Variants in ZKSCAN1 observed in about 807,000 individuals in gnomAD.
ZKSCAN1 encodes zinc finger with KRAB and SCAN domains 1, also known as zinc finger protein with KRAB and SCAN domains 1.
A neutral mutation model predicts 51.6 loss-of-function variants in ZKSCAN1; 14 were observed. The observed-to-expected ratio is 0.27, with a 90% confidence interval of 0.18 to 0.42. The LOEUF is 0.42. ZKSCAN1 is among the 10% of genes least tolerant of loss of function. ZKSCAN1 has a pLI of 1.00. For synonymous variants in ZKSCAN1, 263 were observed against 261.5 expected, an observed-to-expected ratio of 1.01 and a Z score of -0.06; for missense variants, 531 against 710.0, an observed-to-expected ratio of 0.75 and a Z score of 2.86.
chr7:100,036,814 A>G lies in ZKSCAN1; in HGVS notation c.*2617A>G, dbSNP rs1250596239. Reference sequence around the variant, plus strand: ...TTTTAAGAGGGAAAGGACTTTGGTCATGTTTACATTGGCCTTTGGTTTTTT... The same window carrying G: ...TTTTAAGAGGGAAAGGACTTTGGTCGTGTTTACATTGGCCTTTGGTTTTTT... On this transcript the variant is annotated 3_prime_UTR_variant, in exon 6 of 6. Coordinates refer to ENST00000324306, the MANE Select transcript of ZKSCAN1 (RefSeq NM_003439.4). The G allele has an allele frequency of 3.1e-6, 3 of 976,204 alleles. No homozygotes were observed. Among genetic ancestry groups the G allele is most frequent in the South Asian group, 4.8e-5 (1 of 20,770 alleles). 60.5% of individuals were successfully genotyped at this position (976,204 alleles called of 1,614,324 possible).
In ZKSCAN1 at chr7:100,033,163, C is replaced by G. The variant is rs574993063; in HGVS notation, c.800-142C>G. The G allele has an allele frequency of 5.0e-6, 7 of 1,393,938 alleles. No individual in the cohort carries two copies. In the South Asian group the frequency reaches 1.1e-4, roughly 22 times the overall value. The allele number at this position is 1,393,938 out of a possible 1,614,324, so 86.3% of individuals were successfully genotyped here. On this transcript the variant is annotated intron_variant, in intron 5 of 5. Coordinates refer to ENST00000324306, the MANE Select transcript of ZKSCAN1 (RefSeq NM_003439.4). The surrounding 1 kb of genome is among the most constrained non-coding windows in gnomAD (Gnocchi z 4.1). ...CTCCAGCCTGGGCGACAGAGCGAGA[C>G]TCTGTCTCAAAGGAAATAAAAATAA...
Position 100,033,869 on chromosome 7 carries a change from A to G in ZKSCAN1, c.1364A>G (p.His455Arg). ...AATCTCATCCTCCATCAGCGCATCCACTCTGGAGAGAAACCTTATGAATGT... is the reference window on the plus strand; with the variant it reads ...AATCTCATCCTCCATCAGCGCATCCGCTCTGGAGAGAAACCTTATGAATGT... The part of the protein sequence containing the change: ...SSNLILHQRI[H>R]SGEKPYECNE... Residue 455 changes from histidine to arginine, a missense_variant, in exon 6 of 6, where the codon CAC (histidine) becomes CGC (arginine). Around this residue, in one of 2 missense-constraint regions of ZKSCAN1, gnomAD observed 128 missense variants for 219.5 expected, o/e 0.58. Coordinates refer to ENST00000324306, the MANE Select transcript of ZKSCAN1 (RefSeq NM_003439.4). This position sits in a 1 kb window ranked among gnomAD's most constrained non-coding sequence, Gnocchi z 4.1. 1.9e-6 allele frequency: 3 copies of G among 1,614,012 alleles called. No individual in the cohort carries two copies. The highest frequency in any genetic ancestry group is 2.5e-6 in the Non-Finnish European group (3 of 1,180,004).
rs888840465 is a variant in ZKSCAN1 at position 100,034,889 on chromosome 7, A to G, written c.*692A>G. On this transcript the variant is annotated 3_prime_UTR_variant, in exon 6 of 6. Coordinates refer to ENST00000324306, the MANE Select transcript of ZKSCAN1 (RefSeq NM_003439.4). ...CATCCCTGAGATCAGTTCTACTGAA[A>G]TGGCAACAACAACTCCAAATACATC... The G allele has an allele frequency of 6.5e-6, 1 of 152,686 alleles. No individual in the cohort carries two copies. The highest frequency in any genetic ancestry group is 2.4e-5 in the African/African-American group (1 of 41,452). The allele number at this position is 152,686 out of a possible 1,614,324, so 9.5% of individuals were successfully genotyped here.
intron 5 of ZKSCAN1, among the ~76,000 whole-genome samples, chr7:100,031,828 A>G (rs1222734323): frequency 6.6e-6 from 1 of 152,164 alleles, no homozygotes; most frequent in African/African-American, 2.4e-5. Flanking sequence ...TGTAATCCCA[A>G]CACTCGAGGA....
In ZKSCAN1 at chr7:100,040,729, G is replaced by A; in HGVS notation, c.*6532G>A. ...TTAGGAGGCCTGAGGAGGGGCCGAG[G>A]AAAGGCTGTTGGGGTGTGCTGGGGT... On this transcript the variant is annotated 3_prime_UTR_variant, in exon 6 of 6. Transcript: ENST00000324306. 1 of 985,482 alleles carries A rather than the reference G, an allele frequency of 1.0e-6. No individual in the cohort carries two copies. Among genetic ancestry groups the A allele is most frequent in the Non-Finnish European group, 1.2e-6 (1 of 829,966 alleles). The allele number at this position is 985,482 out of a possible 1,614,324, so 61.0% of individuals were successfully genotyped here.
At chr7:100,015,999 T>G (rs1413470344) in intron 1 of ZKSCAN1, among the ~76,000 whole-genome samples, 1 of 152,202 alleles carries the variant, frequency 6.6e-6, no homozygotes, top group Non-Finnish European at 1.5e-5. Context: ...AAGCCGTCTG[T>G]GGGCCCCTCT....
chr7:100,021,613 G>GT (rs1790589840), intron 1 of ZKSCAN1, among the ~76,000 whole-genome samples: 1 of 151,898 alleles, frequency 6.6e-6, no homozygotes, highest in South Asian at 2.1e-4. Flanking sequence ...ACTGACATTG[G>GT]TTTTTACCTC....
intron 1 of ZKSCAN1, among the ~76,000 whole-genome samples, chr7:100,021,542 C>G (rs1790587275): frequency 6.6e-6 from 1 of 152,066 alleles, no homozygotes; most frequent in South Asian, 2.1e-4. Context: ...TGTAATTGCC[C>G]TTTCTTCACA....
chr7:100,039,350 G>T lies in ZKSCAN1; in HGVS notation c.*5153G>T, dbSNP rs1014250238. On this transcript the variant is annotated 3_prime_UTR_variant, in exon 6 of 6. Coordinates refer to ENST00000324306, the MANE Select transcript of ZKSCAN1 (RefSeq NM_003439.4). ...AAAGAAAGAAAGAAAGAAAATTGGG[G>T]ATAGGAGAACAGCAAGGTGGGCATT... 6.1e-6 allele frequency: 6 copies of T among 985,292 alleles called. No individual in the cohort carries two copies. In the African/African-American group the frequency reaches 1.0e-4, roughly 17 times the overall value. 61.0% of individuals were successfully genotyped at this position (985,292 alleles called of 1,614,324 possible).
Position 100,035,450 on chromosome 7 carries a change from G to C in ZKSCAN1, c.*1253G>C, listed in dbSNP as rs1791318480. 1 of 151,898 alleles carries C rather than the reference G, an allele frequency of 6.6e-6. No individual in the cohort carries two copies. Among genetic ancestry groups the C allele is most frequent in the Non-Finnish European group, 1.5e-5 (1 of 68,002 alleles). 9.4% of individuals were successfully genotyped at this position (151,898 alleles called of 1,614,324 possible). A position where few individuals can be genotyped will look rare whatever the true frequency, so the allele number is the denominator to read the frequency against. On this transcript the variant is annotated 3_prime_UTR_variant, in exon 6 of 6. Coordinates refer to ENST00000324306, the MANE Select transcript of ZKSCAN1 (RefSeq NM_003439.4). The stretch of plus-strand genomic sequence containing the variant: ...TTTTTTGACATCTTTCTGTGGCAAA[G>C]CTCTTAGAATTCTTTGCAGTTAGCT...
In ZKSCAN1 at chr7:100,040,802, G is replaced by C. The variant is rs936980032; in HGVS notation, c.*6605G>C. 1 of 985,296 alleles carries C rather than the reference G, an allele frequency of 1.0e-6. No homozygotes were observed. Among genetic ancestry groups the C allele is most frequent in the Admixed American group, 6.2e-5 (1 of 16,254 alleles). 61.0% of individuals were successfully genotyped at this position (985,296 alleles called of 1,614,324 possible). A position where few individuals can be genotyped will look rare whatever the true frequency, so the allele number is the denominator to read the frequency against. On this transcript the variant is annotated 3_prime_UTR_variant, in exon 6 of 6. Coordinates refer to ENST00000324306, the MANE Select transcript of ZKSCAN1 (RefSeq NM_003439.4). ...CACCTCAACCAGAGAAGAGCATCCGGTTGCTTTTTAAAGCTTTTAGCCTGC... is the reference window on the plus strand; with the variant it reads ...CACCTCAACCAGAGAAGAGCATCCGCTTGCTTTTTAAAGCTTTTAGCCTGC...
intron 3 of ZKSCAN1, among the ~76,000 whole-genome samples, chr7:100,025,172 A>G (rs1437545623): frequency 6.6e-6 from 1 of 152,002 alleles, no homozygotes; most frequent in African/African-American, 2.4e-5. Context: ...AACAGATGTC[A>G]TTATTTTCAG....
rs979871824 is a variant in ZKSCAN1 at position 100,033,071 on chromosome 7, C to A, written c.800-234C>A. Among the ~76,000 whole-genome samples, 1 of 151,646 alleles carries A rather than the reference C, an allele frequency of 6.6e-6. No homozygotes were observed. The highest frequency in any genetic ancestry group is 1.5e-5 in the Non-Finnish European group (1 of 67,974). ...CCTATAGTCCCAGCTACTTGGGAGG[C>A]TGAGGCAGGAGAATCACTTGAACCT... is the stretch of plus-strand genomic sequence containing the variant. On this transcript the variant is annotated intron_variant, in intron 5 of 5. Coordinates refer to ENST00000324306, the MANE Select transcript of ZKSCAN1 (RefSeq NM_003439.4). The surrounding 1 kb of genome is among the most constrained non-coding windows in gnomAD (Gnocchi z 4.1).
At chr7:100,031,725 C>T (rs1415748548) in intron 5 of ZKSCAN1, among the ~76,000 whole-genome samples, 1 of 152,174 alleles carries the variant, frequency 6.6e-6, no homozygotes, top group African/African-American at 2.4e-5. Flanking sequence ...TGTTCCTCTC[C>T]TTGTTGGATA....
intron 5 of ZKSCAN1, among the ~76,000 whole-genome samples, chr7:100,031,833 C>CG (rs1562826123): frequency 6.6e-6 from 1 of 152,128 alleles, no homozygotes; most frequent in East Asian, 1.9e-4. Context: ...TCCCAACACT[C>CG]GAGGAGGCTG....
chr7:100,033,766 G>C lies in ZKSCAN1; in HGVS notation c.1261G>C (p.Val421Leu). 6.2e-7 allele frequency: 1 copy of C among 1,614,054 alleles called. No homozygotes were observed. Among genetic ancestry groups the C allele is most frequent in the Non-Finnish European group, 8.5e-7 (1 of 1,180,018 alleles). The change falls in exon 6 of 6, where the codon GTC (valine) becomes CTC (leucine). Residue 421 changes from valine to leucine, a missense_variant. Around this residue, in one of 2 missense-constraint regions of ZKSCAN1, gnomAD observed 128 missense variants for 219.5 expected, o/e 0.58. Transcript: ENST00000324306. This position sits in a 1 kb window ranked among gnomAD's most constrained non-coding sequence, Gnocchi z 4.1. The part of the protein sequence containing the change: ...GKAFSLNSNL[V>L]LHQRIHTGEK... ...AGCCTTCAGTCTTAACTCCAACCTT[G>C]TCCTGCATCAGAGGATCCACACAGG... is the stretch of plus-strand genomic sequence containing the variant.
chr7:100,027,320 G>C (rs957268044), intron 3 of ZKSCAN1, among the ~76,000 whole-genome samples: 6 of 151,338 alleles, frequency 4.0e-5, no homozygotes, highest in African/African-American at 1.5e-4. Context: ...AGAATTGGTC[G>C]AGGCACATTC....
intron 1 of ZKSCAN1, among the ~76,000 whole-genome samples, chr7:100,020,175 T>C (rs1339984766): frequency 6.6e-6 from 1 of 152,202 alleles, no homozygotes; most frequent in Non-Finnish European, 1.5e-5. Flanking sequence ...AGTCGCGTTT[T>C]AGCTAGCTTT....
Position 100,038,696 on chromosome 7 carries a change from T to TTAGAAAA in ZKSCAN1, c.*4501_*4507dup, listed in dbSNP as rs1791465366. 1 of 985,224 alleles carries TTAGAAAA rather than the reference T, an allele frequency of 1.0e-6. No individual in the cohort carries two copies. Among genetic ancestry groups the TTAGAAAA allele is most frequent in the African/African-American group, 1.7e-5 (1 of 57,208 alleles). The allele number at this position is 985,224 out of a possible 1,614,324, so 61.0% of individuals were successfully genotyped here. ...CCCACTAACTCTTAAATCCTTATGCTTAGAAAATTGAGGATAAGGCTGGGC... is the reference window on the plus strand; with the variant it reads ...CCCACTAACTCTTAAATCCTTATGCTTAGAAAATAGAAAATTGAGGATAAGGCTGGGC... On this transcript the variant is annotated 3_prime_UTR_variant, in exon 6 of 6. Transcript: ENST00000324306.
Sources: allele counts gnomAD v4.1 joint callset (sites outside exome capture counted in the v4.1 genomes callset), GRCh38; gene constraint gnomAD v4.1.1; regional missense constraint gnomAD v4.1.1; non-coding constraint Gnocchi (gnomAD v3.1); transcripts MANE v1.5; gene names NCBI Gene and HGNC (gene_info 2026-07-23, HGNC 2026-07-21).